Variants in COPS4 observed in about 807,000 individuals in gnomAD.
COPS4 encodes COP9 signalosome subunit 4, also known as COP9 signalosome complex subunit 4.
COPS4 carries 8 observed loss-of-function variants against 55.1 expected under a neutral mutation model. The observed-to-expected ratio is 0.15, with a 90% CI of 0.09 to 0.26. COPS4 has a LOEUF of 0.26. COPS4 is among the 10% of genes least tolerant of loss of function. The pLI, the probability that COPS4 is intolerant of heterozygous loss-of-function variation, is 1.00. For synonymous variants in COPS4, 185 were observed against 165.7 expected (o/e 1.12, Z -0.90); for missense variants, 248 against 484.0 (o/e 0.51, Z 4.58).
At chr4:83,067,983 C>T (rs1560443905) in intron 8 of COPS4, among the ~76,000 whole-genome samples, 2 of 152,154 alleles carry the variant, frequency 1.3e-5, no homozygotes, top group African/African-American at 4.8e-5. Flanking sequence ...AGGTAGTAGA[C>T]CTTTTGCTTT....
intron 6 of COPS4, among the ~76,000 whole-genome samples, chr4:83,062,430 C>T (rs1033308888): frequency 6.6e-6 from 1 of 152,216 alleles, no homozygotes; most frequent in African/African-American, 2.4e-5. Flanking sequence ...TCAATACTTG[C>T]AGCACTTCCA....
intron 9 of COPS4, 54 bp from the exon 10 acceptor site, chr4:83,075,243 T>C: frequency 6.5e-7 from 1 of 1,541,024 alleles, no homozygotes; most frequent in South Asian, 1.1e-5. Context: ...TAACTCACAG[T>C]TGCTGTGAAT....
In COPS4 at chr4:83,043,752, C is replaced by G. The variant is rs1040226443; in HGVS notation, c.75-1874C>G. On this transcript the variant is annotated intron_variant, in intron 1 of 9. Transcript: ENST00000264389. ...TGTATAACTTATCTGAAAGCATGCC[C>G]AGGGCCATAAAGTAATTTATCTTTT... Among the ~76,000 whole-genome samples the G allele has an allele frequency of 1.2e-4, 19 of 152,054 alleles. 1 individual carries two copies. The highest frequency in any genetic ancestry group is 1.2e-3 in the Admixed American group (19 of 15,270).
chr4:83,061,660 A>T (rs1422555299), intron 6 of COPS4, among the ~76,000 whole-genome samples: 2 of 151,252 alleles, frequency 1.3e-5, no homozygotes, highest in African/African-American at 4.8e-5. Flanking sequence ...ATCAGTTACA[A>T]TTGTTACTCT....
At chr4:83,061,402 C>T (rs1731161801) in intron 6 of COPS4, among the ~76,000 whole-genome samples, 1 of 152,090 alleles carries the variant, frequency 6.6e-6, no homozygotes, top group South Asian at 2.1e-4. Flanking sequence ...ATATATTAGC[C>T]TTCTTATTTT....
intron 2 of COPS4, among the ~76,000 whole-genome samples, 155 bp downstream of exon 2, chr4:83,045,860 C>T (rs1227766572): frequency 1.3e-5 from 2 of 152,026 alleles, no homozygotes; most frequent in African/African-American, 4.8e-5. Context: ...GATTAATTTT[C>T]AGTGAATTAT....
chr4:83,074,219 G>A (rs1315679699), intron 9 of COPS4, among the ~76,000 whole-genome samples: 1 of 152,068 alleles, frequency 6.6e-6, no homozygotes, highest in Non-Finnish European at 1.5e-5. Context: ...TTAGGAATCT[G>A]CAAGCCTTGG....
At chr4:83,048,100 TTTG>T (rs1459180772) in intron 2 of COPS4, among the ~76,000 whole-genome samples, 1 of 152,204 alleles carries the variant, frequency 6.6e-6, no homozygotes, top group African/African-American at 2.4e-5. Flanking sequence ...AATAGTAACA[TTTG>T]TTGAGTGCTA....
chr4:83,074,891 G>A (rs1456833410), intron 9 of COPS4, among the ~76,000 whole-genome samples: 1 of 151,996 alleles, frequency 6.6e-6, no homozygotes, highest in Non-Finnish European at 1.5e-5. Context: ...GGCAGGCCAA[G>A]GCGGGTGGAT....
chr4:83,036,234 G>A (rs1269216140), intron 1 of COPS4, among the ~76,000 whole-genome samples: 2 of 147,502 alleles, frequency 1.4e-5, no homozygotes, highest in Non-Finnish European at 3.0e-5. Context: ...AGGAGTTCTA[G>A]ACCAGCCTGG....
In COPS4 at chr4:83,049,226, A is replaced by G; in HGVS notation, c.215A>G (p.His72Arg). The G allele has an allele frequency of 2.5e-6, 4 of 1,612,226 alleles. No individual in the cohort carries two copies. Among genetic ancestry groups the G allele is most frequent in the South Asian group, 1.1e-5 (1 of 90,720 alleles). The change falls in exon 3 of 10, where the codon CAT becomes CGT. Residue 72 changes from histidine to arginine, a missense_variant. Physicochemically the swap from His to Arg is conservative, Grantham distance 29. Transcript: ENST00000264389. ...CAGTTGCTGACTGATTTTTGCACAC[A>G]TCTTCCTAACTTGCCTGATAGCACA... is the stretch of plus-strand genomic sequence containing the variant. ...SRQLLTDFCT[H>R]LPNLPDSTAK...
Position 83,063,802 on chromosome 4 carries a change from C to T in COPS4, c.886+556C>T, listed in dbSNP as rs575588629. 4.4e-4 allele frequency among the ~76,000 whole-genome samples: 66 copies of T among 148,806 alleles called. 1 individual carries two copies. The highest frequency in any genetic ancestry group is 8.8e-4 in the African/African-American group (34 of 38,742). ...TCGGTTCACCACAACCTCTGCCTCC[C>T]GGGTTCAAGTGATTCTCCTACTTCA... On this transcript the variant is annotated intron_variant, in intron 7 of 9. Transcript: ENST00000264389.
At chr4:83,070,434 T>A (rs1432787694) in intron 9 of COPS4, among the ~76,000 whole-genome samples, 7 of 152,206 alleles carry the variant, frequency 4.6e-5, no homozygotes, top group Non-Finnish European at 7.3e-5. Context: ...TATCAAAAAC[T>A]GAATTTATTA....
At chr4:83,066,616 G>A in intron 8 of COPS4, 63 bp downstream of exon 8, 6 of 732,436 alleles carry the variant, frequency 8.2e-6, no homozygotes, top group South Asian at 3.8e-5. Flanking sequence ...AAAATAATGA[G>A]AAAATAAAAT....
At chr4:83,071,397 T>G in intron 9 of COPS4, among the ~76,000 whole-genome samples, 1 of 152,208 alleles carries the variant, frequency 6.6e-6, no homozygotes, top group Non-Finnish European at 1.5e-5. Flanking sequence ...CCTTCCAGTA[T>G]CAATTTGCTG....
intron 4 of COPS4, among the ~76,000 whole-genome samples, chr4:83,051,832 G>C (rs1377110079): frequency 6.6e-6 from 1 of 152,158 alleles, no homozygotes; most frequent in African/African-American, 2.4e-5. Flanking sequence ...AGTATAGTGA[G>C]GCCTGGAGCA....
chr4:83,045,032 G>A lies in COPS4; in HGVS notation c.75-594G>A, dbSNP rs866851374. Among the ~76,000 whole-genome samples the A allele has an allele frequency of 3.3e-5, 5 of 152,316 alleles. No homozygotes were observed. The South Asian group carries it at 6.2e-4, about 19-fold the overall frequency. ...AAGAATAAATAGGTACTGTCTGACA[G>A]CATAAATGGTATTCTATCAGTGCAT... On this transcript the variant is annotated intron_variant, in intron 1 of 9. Transcript: ENST00000264389.
chr4:83,065,067 A>T (rs1443831132), intron 7 of COPS4: 1 of 687,584 alleles, frequency 1.5e-6, no homozygotes, highest in East Asian at 2.8e-5. Context: ...TAGAGACAGG[A>T]TCTCTCCATT....
chr4:83,053,004 G>A (rs1730923006), intron 4 of COPS4, among the ~76,000 whole-genome samples: 1 of 152,206 alleles, frequency 6.6e-6, no homozygotes, highest in African/African-American at 2.4e-5. Flanking sequence ...TTAGGAGAGT[G>A]GGACAATGAA....
Sources: allele counts gnomAD v4.1 joint callset (sites outside exome capture counted in the v4.1 genomes callset), GRCh38; gene constraint gnomAD v4.1.1; transcripts MANE v1.5; gene names NCBI Gene and HGNC (gene_info 2026-07-23, HGNC 2026-07-21).